RSRC1: variants seen among roughly 807,000 people sequenced by gnomAD.
RSRC1 encodes serine/Arginine-related protein 53.
In RSRC1, 39 loss-of-function variants were observed where a neutral mutation model predicts 49.1. The ratio of observed to expected loss-of-function variants is 0.79; its 90% CI spans 0.61 to 1.04. RSRC1 has a LOEUF of 1.04. RSRC1 is among the 50% of genes least tolerant of loss of function. The pLI is 0.00. For missense variants in RSRC1, 388 were observed against 402.4 expected, an observed-to-expected ratio of 0.96 and a Z score of 0.31; for synonymous variants, 143 against 130.8, an observed-to-expected ratio of 1.09 and a Z score of -0.63.
intron 7 of RSRC1, among the ~76,000 whole-genome samples, chr3:158,501,950 TTG>T (rs1175133224): frequency 6.6e-6 from 1 of 152,182 alleles, no homozygotes; most frequent in East Asian, 1.9e-4. Flanking sequence ...ACTTGTATTT[TTG>T]TGTTATAGAT....
At chr3:158,425,237 A>G (rs1435903646) in intron 6 of RSRC1, among the ~76,000 whole-genome samples, 1 of 152,032 alleles carries the variant, frequency 6.6e-6, no homozygotes, top group African/African-American at 2.4e-5. Flanking sequence ...ATTTCCCTCT[A>G]CACACTGCTT....
chr3:158,304,931 A>G (rs1380231487), intron 5 of RSRC1, among the ~76,000 whole-genome samples: 2 of 152,142 alleles, frequency 1.3e-5, no homozygotes, highest in Non-Finnish European at 2.9e-5. Flanking sequence ...TAAAATGTTA[A>G]TGTCATGTTA....
At chr3:158,368,201 A>G (rs1731881864) in intron 6 of RSRC1, among the ~76,000 whole-genome samples, 1 of 152,192 alleles carries the variant, frequency 6.6e-6, no homozygotes. Context: ...CTCGAGTACA[A>G]TGCTGGATCT....
At chr3:158,127,834 G>C (rs1301822453) in intron 3 of RSRC1, among the ~76,000 whole-genome samples, 1 of 146,230 alleles carries the variant, frequency 6.8e-6, no homozygotes, top group African/African-American at 2.6e-5. Context: ...TTATGGACTG[G>C]CTTCTTATGG....
At chr3:158,514,999 G>A (rs1740426444) in intron 7 of RSRC1, among the ~76,000 whole-genome samples, 1 of 151,364 alleles carries the variant, frequency 6.6e-6, no homozygotes, top group East Asian at 1.9e-4. Flanking sequence ...TTTATTTTGA[G>A]CCTATGTGTG....
chr3:158,236,929 T>C (rs1723280446), intron 4 of RSRC1, among the ~76,000 whole-genome samples: 1 of 152,126 alleles, frequency 6.6e-6, no homozygotes, highest in South Asian at 2.1e-4. Context: ...TGAATGATGG[T>C]AGTGGATAAA....
At chr3:158,476,931 G>A (rs11714869) in intron 7 of RSRC1, among the ~76,000 whole-genome samples, 79,036 of 151,932 alleles carry the variant, frequency 0.52, 21,115 homozygotes, top group African/African-American at 0.64. Context: ...TAGGAGATCA[G>A]AATAGCAATA....
chr3:158,436,254 C>G (rs1736035896), intron 6 of RSRC1, among the ~76,000 whole-genome samples: 1 of 151,818 alleles, frequency 6.6e-6, no homozygotes, highest in Non-Finnish European at 1.5e-5. Context: ...ACAGTTTTCT[C>G]AGACCTAAGA....
intron 4 of RSRC1, among the ~76,000 whole-genome samples, chr3:158,279,515 CT>C (rs768025002): frequency 9.2e-5 from 14 of 152,224 alleles, no homozygotes; most frequent in Non-Finnish European, 1.8e-4. Flanking sequence ...CTGATTTGTA[CT>C]TTCGGCTCAA....
chr3:158,268,637 C>T (rs1422122115), intron 4 of RSRC1, among the ~76,000 whole-genome samples: 5 of 152,090 alleles, frequency 3.3e-5, no homozygotes, highest in Admixed American at 6.6e-5. Context: ...CTATTTGTGG[C>T]GGCTTTTTGG....
chr3:158,338,091 G>A lies in RSRC1; in HGVS notation c.532-16766G>A, dbSNP rs553610115. 2.0e-5 allele frequency among the ~76,000 whole-genome samples: 3 copies of A among 152,264 alleles called. No individual in the cohort carries two copies. In the South Asian group the frequency reaches 6.2e-4, roughly 32 times the overall value. ...ATGGGCTCTCAAGCAAGTCCTCAAG[G>A]ATGTTGTAACCTTTGCTTCAGTTTC... On this transcript the variant is annotated intron_variant, in intron 5 of 9. Coordinates refer to ENST00000611884, the MANE Select transcript of RSRC1 (RefSeq NM_001271838.2).
At position 158,540,026 on chromosome 3, in the gene RSRC1, A is replaced by C. The variant is rs151121224; in HGVS notation, c.759+2828A>C. On this transcript the variant is annotated intron_variant, in intron 8 of 9. Coordinates refer to ENST00000611884, the MANE Select transcript of RSRC1 (RefSeq NM_001271838.2). Reference sequence around the variant, plus strand: ...GCTAAGCCCTATCATGCCATGGCTAAGATACGCAGAATGATATGCTCTTAC... The same window carrying C: ...GCTAAGCCCTATCATGCCATGGCTACGATACGCAGAATGATATGCTCTTAC... Among the ~76,000 whole-genome samples the C allele has an allele frequency of 3.9e-3, 588 of 152,300 alleles. 4 individuals are homozygous for C. Among genetic ancestry groups the C allele is most frequent in the African/African-American group, 0.013 (548 of 41,570 alleles).
chr3:158,390,155 G>A (rs1307775138), intron 6 of RSRC1, among the ~76,000 whole-genome samples: 2 of 152,178 alleles, frequency 1.3e-5, no homozygotes, highest in East Asian at 3.9e-4. Context: ...TTCATGAGGT[G>A]ACTGTTGAGT....
At chr3:158,346,554 A>G (rs1730564231) in intron 5 of RSRC1, among the ~76,000 whole-genome samples, 1 of 152,224 alleles carries the variant, frequency 6.6e-6, no homozygotes, top group Non-Finnish European at 1.5e-5. Context: ...GTTATTCATT[A>G]GGGAAATATA....
chr3:158,289,213 A>G (rs1726767612), intron 4 of RSRC1, among the ~76,000 whole-genome samples: 2 of 152,096 alleles, frequency 1.3e-5, no homozygotes, highest in Admixed American at 1.3e-4. Context: ...TGCAACTGTT[A>G]TCTAGAGCAT....
intron 7 of RSRC1, among the ~76,000 whole-genome samples, chr3:158,533,352 G>T (rs997163273): frequency 6.6e-6 from 1 of 151,716 alleles, no homozygotes; most frequent in East Asian, 1.9e-4. Flanking sequence ...CACTTTGTTA[G>T]TTCTGAAGTG....
chr3:158,387,909 C>T (rs1214963283), intron 6 of RSRC1, among the ~76,000 whole-genome samples: 4 of 152,070 alleles, frequency 2.6e-5, no homozygotes, highest in Admixed American at 1.3e-4. Flanking sequence ...GTGACAAACG[C>T]ACACATGCAC....
At chr3:158,308,465 T>G (rs1460422208) in intron 5 of RSRC1, among the ~76,000 whole-genome samples, 1 of 151,944 alleles carries the variant, frequency 6.6e-6, no homozygotes, top group African/African-American at 2.4e-5. Context: ...ATCTCTCTAC[T>G]CATTAAATGA....
Position 158,272,350 on chromosome 3 carries a change from C to T in RSRC1, c.495-25689C>T, listed in dbSNP as rs543183498. ...AGTTACCGCCAGCTTGAAATGGAAC[C>T]GGCAGGCTTGATTTGCAAATGAATT... On this transcript the variant is annotated intron_variant, in intron 4 of 9. Transcript: ENST00000611884. Among the ~76,000 whole-genome samples, 18 of 152,134 alleles carry T rather than the reference C, an allele frequency of 1.2e-4. No homozygotes were observed. The East Asian group carries it at 3.5e-3, about 29-fold the overall frequency.
Sources: gnomAD v4.1 joint callset for allele counts (sites outside exome capture counted in the v4.1 genomes callset) on GRCh38, gnomAD v4.1.1 for gene constraint, MANE v1.5 for transcripts, NCBI Gene and HGNC (gene_info 2026-07-23, HGNC 2026-07-21) for gene names.